UTS2: variants seen among roughly 807,000 people sequenced by gnomAD.
UTS2 encodes the protein urotensin-2.
A neutral mutation model predicts 12.6 loss-of-function variants in UTS2; 10 were observed. That is an observed-to-expected ratio of 0.80 (90% CI 0.49 to 1.35). UTS2 has a LOEUF of 1.35. Ranked by LOEUF, UTS2 falls within the 40% of genes most tolerant of loss-of-function variation. The pLI, the probability that UTS2 is intolerant of heterozygous loss-of-function variation, is 0.00. For synonymous variants in UTS2, 52 were observed against 50.0 expected, an observed-to-expected ratio of 1.04 and a Z score of -0.17; for missense variants, 142 against 143.2, an observed-to-expected ratio of 0.99 and a Z score of 0.04.
chr1:7,890,719 C>T, the UTS2 span, among the ~76,000 whole-genome samples: 15 of 124,070 alleles, frequency 1.2e-4, no homozygotes, highest in African/African-American at 4.1e-4. Context: ...GAGTGAGACC[C>T]CATCTCCACA....
chr1:7,876,276 A>G, the UTS2 span, among the ~76,000 whole-genome samples: 1 of 152,072 alleles, frequency 6.6e-6, no homozygotes, highest in Non-Finnish European at 1.5e-5. Flanking sequence ...TATTGAGGAT[A>G]GGAACACCTT....
At chr1:7,854,353 A>T (rs1638255336), upstream of UTS2, among the ~76,000 whole-genome samples, 1 of 137,420 alleles carries the variant, frequency 7.3e-6, no homozygotes, top group Admixed American at 7.2e-5. Context: ...AAAAAAAAAA[A>T]AAAAGAGAAG....
upstream of UTS2, among the ~76,000 whole-genome samples, chr1:7,856,275 C>A (rs1421472462): frequency 6.6e-6 from 1 of 152,194 alleles, no homozygotes; most frequent in Non-Finnish European, 1.5e-5. Context: ...CTCTCATGAA[C>A]TTTCTGACTG....
At chr1:7,863,338 C>T in the UTS2 span, among the ~76,000 whole-genome samples, 12 of 151,976 alleles carry the variant, frequency 7.9e-5, no homozygotes, top group African/African-American at 2.7e-4. Context: ...CTCGAACTCC[C>T]GACCTCAGGT....
chr1:7,896,908 G>C, the UTS2 span, among the ~76,000 whole-genome samples: 1 of 151,994 alleles, frequency 6.6e-6, no homozygotes, highest in Non-Finnish European at 1.5e-5. Flanking sequence ...ATGTTGGCCA[G>C]GCTGGTCCTG....
chr1:7,856,368 G>A (rs2151385123), upstream of UTS2, among the ~76,000 whole-genome samples: 1 of 152,318 alleles, frequency 6.6e-6, no homozygotes, highest in East Asian at 1.9e-4. Context: ...CAGTACAGGG[G>A]CAGGTAGTCA....
chr1:7,848,031 G>A, intron 3 of UTS2, 149 bp from the exon 4 acceptor site: 6 of 637,822 alleles, frequency 9.4e-6, no homozygotes, highest in Non-Finnish European at 1.6e-5. Flanking sequence ...ATTGTAACAA[G>A]AGTGTCCCGG....
chr1:7,853,019 G>C lies in UTS2; in HGVS notation c.-16C>G. 6.3e-7 allele frequency: 1 copy of C among 1,599,188 alleles called. No homozygotes were observed. On this transcript the variant is annotated 5_prime_UTR_variant, in exon 1 of 4. Coordinates refer to ENST00000361696, the MANE Select transcript of UTS2 (RefSeq NM_006786.4). ...GCTTATACATGATCGCCACAAGATA[G>C]ACGGCTTCCTTCTTGGCTTCTGTTG...
intron 3 of UTS2, 94 bp from the exon 4 acceptor site, chr1:7,847,976 G>T: frequency 1.2e-6 from 1 of 863,098 alleles, no homozygotes; most frequent in Non-Finnish European, 1.8e-6. Context: ...CTTGAGTCAA[G>T]ACACTGGACT....
the UTS2 span, among the ~76,000 whole-genome samples, chr1:7,880,730 C>A: frequency 6.6e-6 from 1 of 152,160 alleles, no homozygotes; most frequent in African/African-American, 2.4e-5. Flanking sequence ...ACCAAACTTA[C>A]AAAGAACTAA....
Position 7,850,845 on chromosome 1 carries a change from CCAGCATCTCTGG to C in UTS2, c.169_180del (p.Pro57_Leu60del). On this transcript the variant is annotated inframe_deletion, in exon 2 of 4. Coordinates refer to ENST00000361696, the MANE Select transcript of UTS2 (RefSeq NM_006786.4). ...CTGAGAATATCCCCTCTTTCTGCACCCAGCATCTCTGGCAGTATCTGTAGAAGGGAAGCTCTT... is the reference window on the plus strand; with the variant it reads ...CTGAGAATATCCCCTCTTTCTGCACCCAGTATCTGTAGAAGGGAAGCTCTT... 1 of 1,614,126 alleles carries C rather than the reference CCAGCATCTCTGG, an allele frequency of 6.2e-7. No individual in the cohort carries two copies. The highest frequency in any genetic ancestry group is 2.2e-5 in the East Asian group (1 of 44,880).
chr1:7,862,995 A>G, the UTS2 span, among the ~76,000 whole-genome samples: 339 of 19,394 alleles, frequency 0.017, 2 homozygotes, highest in East Asian at 0.049. Flanking sequence ...GTTGTGTTGT[A>G]TTGTATTGTA....
the UTS2 span, among the ~76,000 whole-genome samples, chr1:7,862,980 A>ATTGTGTTGTG: frequency 2.0e-3 from 107 of 53,364 alleles, 3 homozygotes; most frequent in Middle Eastern, 0.018. Flanking sequence ...GCCGTTATTT[A>ATTGTGTTGTG]TTGTGTTGTG....
At chr1:7,881,410 T>G in the UTS2 span, among the ~76,000 whole-genome samples, 1 of 152,016 alleles carries the variant, frequency 6.6e-6, no homozygotes, top group East Asian at 1.9e-4. Context: ...CACCAAAAAA[T>G]CTCTTAGAAC....
chr1:7,908,582 C>T, the UTS2 span, among the ~76,000 whole-genome samples: 1 of 152,110 alleles, frequency 6.6e-6, no homozygotes, highest in East Asian at 1.9e-4. Context: ...CCACTTCTCC[C>T]CCTGGGCCTT....
At chr1:7,910,066 A>C in the UTS2 span, among the ~76,000 whole-genome samples, 1 of 152,136 alleles carries the variant, frequency 6.6e-6, no homozygotes. Context: ...TGTAAAGCTT[A>C]ATATATGACA....
Position 7,847,671 on chromosome 1 carries a change from G to T in UTS2, c.*95C>A. On this transcript the variant is annotated 3_prime_UTR_variant, in exon 4 of 4. Coordinates refer to ENST00000361696, the MANE Select transcript of UTS2 (RefSeq NM_006786.4). Reference sequence around the variant, plus strand: ...CAATGAACAGGGTGTAGTTTGCCTAGTTTTTCTCCACACTGTTTTCAAATC... The same window carrying T: ...CAATGAACAGGGTGTAGTTTGCCTATTTTTTCTCCACACTGTTTTCAAATC... 1 of 1,025,462 alleles carries T rather than the reference G, an allele frequency of 9.8e-7. No individual in the cohort carries two copies. The highest frequency in any genetic ancestry group is 1.5e-6 in the Non-Finnish European group (1 of 676,896). 63.5% of individuals were successfully genotyped at this position (1,025,462 alleles called of 1,614,324 possible). A position where few individuals can be genotyped will look rare whatever the true frequency, so the allele number is the denominator to read the frequency against.
chr1:7,907,291 CTAG>C, the UTS2 span, among the ~76,000 whole-genome samples: 1 of 151,578 alleles, frequency 6.6e-6, no homozygotes, highest in African/African-American at 2.4e-5. Flanking sequence ...ATCTTATAAA[CTAG>C]TAGATTTAAA....
At chr1:7,906,503 G>GAAAGAA in the UTS2 span, among the ~76,000 whole-genome samples, 1 of 130,060 alleles carries the variant, frequency 7.7e-6, no homozygotes, top group Non-Finnish European at 1.6e-5. Flanking sequence ...AAGAAAGAAA[G>GAAAGAA]AAAGAAAAGA....
Sources: gnomAD v4.1 joint callset for allele counts (sites outside exome capture counted in the v4.1 genomes callset) on GRCh38, gnomAD v4.1.1 for gene constraint, MANE v1.5 for transcripts, NCBI Gene and HGNC (gene_info 2026-07-23, HGNC 2026-07-21) for gene names.